Variants in SPATA17 observed in about 807,000 individuals in gnomAD.
SPATA17 encodes the protein spermatogenesis associated 17.
SPATA17 carries 53 observed loss-of-function variants against 62.2 expected under a neutral mutation model. The observed-to-expected ratio is 0.85, with a 90% CI of 0.68 to 1.07. SPATA17 has a LOEUF of 1.07. Ranked by LOEUF, SPATA17 falls within the 50% of genes least tolerant of loss-of-function variation. The pLI, the probability that SPATA17 is intolerant of heterozygous loss-of-function variation, is 0.00. For missense variants in SPATA17, 466 were observed against 425.5 expected, an observed-to-expected ratio of 1.10 and a Z score of -0.84; for synonymous variants, 146 against 146.8, an observed-to-expected ratio of 0.99 and a Z score of 0.04.
At chr1:217,804,134 C>A (rs1184999972) in intron 9 of SPATA17, among the ~76,000 whole-genome samples, 1 of 152,080 alleles carries the variant, frequency 6.6e-6, no homozygotes, top group Non-Finnish European at 1.5e-5. Flanking sequence ...GGAAGCATCA[C>A]ACTATCTGAT....
At chr1:217,806,043 G>A (rs574217552) in intron 9 of SPATA17, among the ~76,000 whole-genome samples, 1 of 152,124 alleles carries the variant, frequency 6.6e-6, no homozygotes, top group Non-Finnish European at 1.5e-5. Context: ...GACAAGTTAC[G>A]TGCTTCCAAA....
chr1:217,793,942 C>G (rs369871597), intron 8 of SPATA17, among the ~76,000 whole-genome samples: 1 of 151,776 alleles, frequency 6.6e-6, no homozygotes, highest in Admixed American at 6.6e-5. Context: ...GGTGAAACCC[C>G]GTCTTTACTA....
At chr1:217,633,187 G>A (rs147953339) in intron 1 of SPATA17, among the ~76,000 whole-genome samples, 271 of 143,518 alleles carry the variant, frequency 1.9e-3, no homozygotes, top group African/African-American at 6.1e-3. Flanking sequence ...GACAGAGCAA[G>A]ACTCTGTCTC....
intron 8 of SPATA17, among the ~76,000 whole-genome samples, chr1:217,799,407 C>T (rs374317750): frequency 1.3e-5 from 2 of 152,074 alleles, no homozygotes; most frequent in African/African-American, 2.4e-5. Flanking sequence ...GCAGCCGGCT[C>T]GCAGCACCTC....
intron 5 of SPATA17, among the ~76,000 whole-genome samples, chr1:217,686,460 T>G (rs1671216513): frequency 6.6e-6 from 1 of 152,302 alleles, no homozygotes; most frequent in South Asian, 2.1e-4. Flanking sequence ...ATTTGCTTAT[T>G]TAAATACTTC....
intron 9 of SPATA17, chr1:217,850,605 C>T (rs562354335): frequency 3.1e-6 from 5 of 1,595,368 alleles, no homozygotes; most frequent in East Asian, 4.5e-5. Flanking sequence ...GATGGTCTTG[C>T]CAGTCAGGGT....
intron 3 of SPATA17, among the ~76,000 whole-genome samples, chr1:217,654,698 T>G (rs193157628): frequency 2.0e-4 from 31 of 151,844 alleles, no homozygotes; most frequent in Admixed American, 1.5e-3. Flanking sequence ...ATATATTGCA[T>G]GCATATTGTT....
At chr1:217,635,697 C>G (rs1669920160) in intron 1 of SPATA17, among the ~76,000 whole-genome samples, 1 of 151,832 alleles carries the variant, frequency 6.6e-6, no homozygotes, top group African/African-American at 2.4e-5. Context: ...GAGCAAGACT[C>G]AAATTCTGAT....
intron 6 of SPATA17, among the ~76,000 whole-genome samples, chr1:217,765,783 T>C (rs1408925055): frequency 6.6e-6 from 1 of 152,120 alleles, no homozygotes; most frequent in African/African-American, 2.4e-5. Context: ...TAATAGTGGA[T>C]TCATCTATTT....
chr1:217,670,616 A>G (rs1558559639), intron 4 of SPATA17, among the ~76,000 whole-genome samples: 1 of 152,198 alleles, frequency 6.6e-6, no homozygotes, highest in Non-Finnish European at 1.5e-5. Context: ...GTTGAATTTT[A>G]CCTGAGTCTT....
chr1:217,690,269 C>G (rs541863568), intron 5 of SPATA17, among the ~76,000 whole-genome samples: 51 of 152,110 alleles, frequency 3.4e-4, no homozygotes, highest in African/African-American at 1.2e-3. Flanking sequence ...CCTCCAATAT[C>G]TACCTTACAT....
At chr1:217,658,568 T>C (rs759449869) in intron 3 of SPATA17, among the ~76,000 whole-genome samples, 21 of 151,828 alleles carry the variant, frequency 1.4e-4, no homozygotes, top group African/African-American at 1.7e-4. Context: ...ACCATCCTGG[T>C]TAACATGGTG....
At chr1:217,865,118 T>G (rs1249720001) in intron 10 of SPATA17, among the ~76,000 whole-genome samples, 1 of 152,166 alleles carries the variant, frequency 6.6e-6, no homozygotes, top group Non-Finnish European at 1.5e-5. Context: ...TATTAAGATT[T>G]CATTTCACCA....
intron 9 of SPATA17, chr1:217,850,508 C>A: frequency 3.2e-6 from 5 of 1,545,120 alleles, no homozygotes; most frequent in Non-Finnish European, 4.5e-6. Flanking sequence ...CAAAGATGAG[C>A]CTCTGCTGGT....
chr1:217,707,644 G>A (rs377426715), intron 5 of SPATA17, among the ~76,000 whole-genome samples: 4 of 152,260 alleles, frequency 2.6e-5, no homozygotes, highest in African/African-American at 9.6e-5. Context: ...ACAGAACGTT[G>A]AGGCAGAAAA....
At chr1:217,845,465 T>G (rs946458842) in intron 9 of SPATA17, among the ~76,000 whole-genome samples, 1 of 152,194 alleles carries the variant, frequency 6.6e-6, no homozygotes, top group African/African-American at 2.4e-5. Flanking sequence ...ATTATAGTTC[T>G]AACTGGTACT....
chr1:217,677,336 T>C (rs1418237676), intron 4 of SPATA17, among the ~76,000 whole-genome samples: 1 of 152,002 alleles, frequency 6.6e-6, no homozygotes, highest in Non-Finnish European at 1.5e-5. Flanking sequence ...TAAAAATGAT[T>C]AAATATGTGT....
chr1:217,750,398 A>G (rs1181859917), intron 6 of SPATA17, among the ~76,000 whole-genome samples: 1 of 152,130 alleles, frequency 6.6e-6, no homozygotes, highest in Non-Finnish European at 1.5e-5. Flanking sequence ...TAATGCATTC[A>G]TGGAATGTCT....
chr1:217,683,502 A>C (rs1671146058), intron 5 of SPATA17, 141 bp downstream of exon 5: 6 of 563,628 alleles, frequency 1.1e-5, no homozygotes. Context: ...GCAGTGGCGC[A>C]ATCTCGGCTC....
Sources: gnomAD v4.1 joint callset for allele counts (sites outside exome capture counted in the v4.1 genomes callset) on GRCh38, gnomAD v4.1.1 for gene constraint, MANE v1.5 for transcripts, NCBI Gene and HGNC (gene_info 2026-07-23, HGNC 2026-07-21) for gene names.